The following PATZ1 variants were observed in gnomAD, a reference collection of about 807,000 sequenced individuals.
PATZ1 encodes the protein POZ-, AT hook-, and zinc finger-containing protein 1.
Under a neutral mutation model 46.2 loss-of-function variants are expected in PATZ1, and 9 were observed. The observed-to-expected ratio is 0.19, with a 90% confidence interval of 0.12 to 0.34. PATZ1 has a LOEUF of 0.34. Ranked by LOEUF, PATZ1 falls within the 10% of genes least tolerant of loss-of-function variation. The pLI, the probability that PATZ1 is intolerant of heterozygous loss-of-function variation, is 1.00. For missense variants in PATZ1, 632 were observed against 923.0 expected, an observed-to-expected ratio of 0.68 and a Z score of 4.08; for synonymous variants, 426 against 378.6, an observed-to-expected ratio of 1.13 and a Z score of -1.45.
In PATZ1 at chr22:31,326,564, G is replaced by T. The variant is rs931649763; in HGVS notation, c.*327C>A. The T allele has an allele frequency of 1.2e-5, 4 of 328,118 alleles. No individual in the cohort carries two copies. The Admixed American group carries it at 1.8e-4, about 15-fold the overall frequency. The allele number at this position is 328,118 out of a possible 1,614,324, so 20.3% of individuals were successfully genotyped here. A position where few individuals can be genotyped will look rare whatever the true frequency, so the allele number is the denominator to read the frequency against. On this transcript the variant is annotated 3_prime_UTR_variant, in exon 5 of 5. Transcript: ENST00000266269. ...ATCATAGATTTGGGTATAGGATTGG[G>T]GTCACTAAGAATTGAGCACCAGGAA...
At chr22:31,342,821 G>A in intron 2 of PATZ1, 76 bp downstream of exon 2, 1 of 1,534,012 alleles carries the variant, frequency 6.5e-7, no homozygotes, top group East Asian at 2.3e-5. Context: ...GGCACACGCA[G>A]CGGCTGGCTC....
intron 1 of PATZ1, 90 bp from the exon 2 acceptor site, chr22:31,343,050 A>T: frequency 2.5e-6 from 4 of 1,577,548 alleles, no homozygotes; most frequent in South Asian, 1.1e-5. Context: ...ACACACACAC[A>T]CACTCACTGC....
intron 2 of PATZ1, among the ~76,000 whole-genome samples, chr22:31,339,634 C>T (rs2049554941): frequency 6.6e-6 from 1 of 152,196 alleles, no homozygotes; most frequent in Non-Finnish European, 1.5e-5. Context: ...CTTTGACTGC[C>T]TGTGGCACTC....
At chr22:31,339,851 AG>A (rs1846890558) in intron 2 of PATZ1, among the ~76,000 whole-genome samples, 1 of 152,116 alleles carries the variant, frequency 6.6e-6, no homozygotes, top group Non-Finnish European at 1.5e-5. Context: ...AGTGGTACCA[AG>A]GGCACTAGTG....
chr22:31,333,041 G>C (rs1233265805), intron 3 of PATZ1, among the ~76,000 whole-genome samples: 1 of 152,144 alleles, frequency 6.6e-6, no homozygotes, highest in Non-Finnish European at 1.5e-5. Context: ...TGTACAAATA[G>C]TATCATACAC....
chr22:31,341,413 C>G, intron 2 of PATZ1: 1 of 1,546,290 alleles, frequency 6.5e-7, no homozygotes, highest in Non-Finnish European at 8.7e-7. Flanking sequence ...GGCTAGCCAA[C>G]AGGCCACTGG....
intron 2 of PATZ1, among the ~76,000 whole-genome samples, chr22:31,339,668 C>T (rs1319464161): frequency 6.6e-6 from 1 of 152,262 alleles, no homozygotes; most frequent in East Asian, 1.9e-4. Context: ...GGCCCACAGC[C>T]CTGTGCTTAG....
chr22:31,335,856 T>C lies in PATZ1; in HGVS notation c.1343A>G (p.Asn448Ser), dbSNP rs759027914. The C allele has an allele frequency of 1.9e-6, 3 of 1,613,240 alleles. No individual in the cohort carries two copies. Among genetic ancestry groups the C allele is most frequent in the Non-Finnish European group, 2.5e-6 (3 of 1,179,606 alleles). ...SERPHKCQTC[N>S]ASFATRDRLR... ...ACGGTCTCGGGTGGCAAAAGAAGCA[T>C]TGCAGGTCTGAAGGCAGAAAAGAAA... The change falls in exon 3 of 5, where the codon AAT becomes AGT. Residue 448 changes from asparagine (N) to serine (S), a missense_variant. Transcript: ENST00000266269.
rs2049392515 is a variant in PATZ1 at position 31,328,309 on chromosome 22, A to C, written c.1645+478T>G. ...TCACAACCATAGCCAGAGGCTCTCC[A>C]GAAAGGGCCACTCACAGTAACCAAC... On this transcript the variant is annotated intron_variant, in intron 4 of 4. Coordinates refer to ENST00000266269, the MANE Select transcript of PATZ1 (RefSeq NM_014323.3). The surrounding 1 kb of genome is among the most constrained non-coding windows in gnomAD (Gnocchi z 4.8). Among the ~76,000 whole-genome samples, 1 of 152,226 alleles carries C rather than the reference A, an allele frequency of 6.6e-6. No homozygotes were observed. Among genetic ancestry groups the C allele is most frequent in the South Asian group, 2.1e-4 (1 of 4,828 alleles).
Position 31,328,113 on chromosome 22 carries a change from CATCTCTGCTGT to C in PATZ1, c.1645+663_1645+673del, listed in dbSNP as rs2049390630. On this transcript the variant is annotated intron_variant, in intron 4 of 4. Transcript: ENST00000266269. This position sits in a 1 kb window ranked among gnomAD's most constrained non-coding sequence, Gnocchi z 4.8. ...TCTGTGATGGGAGCATGGAGCATGC[CATCTCTGCTGT>C]TTCTACCATCTGCCAAGCCCCTGGC... 6.6e-6 allele frequency among the ~76,000 whole-genome samples: 1 copy of C among 152,204 alleles called. No homozygotes were observed. The highest frequency in any genetic ancestry group is 1.5e-5 in the Non-Finnish European group (1 of 68,050).
Position 31,331,582 on chromosome 22 carries a change from T to C in PATZ1, c.1508-2658A>G, listed in dbSNP as rs2049444202. ...GGTCTCGGATCTCCTGACTTCGCGATCCACCCGCCTCGGCCTCCCAAAGTG... is the reference window on the plus strand; with the variant it reads ...GGTCTCGGATCTCCTGACTTCGCGACCCACCCGCCTCGGCCTCCCAAAGTG... On this transcript the variant is annotated intron_variant, in intron 3 of 4. Transcript: ENST00000266269. Among the ~76,000 whole-genome samples, 2 of 152,192 alleles carry C rather than the reference T, an allele frequency of 1.3e-5. 1 individual carries two copies. Among genetic ancestry groups the C allele is most frequent in the Middle Eastern group, 6.8e-3 (2 of 294 alleles).
At chr22:31,337,027 A>G (rs1222251174) in intron 2 of PATZ1, among the ~76,000 whole-genome samples, 4 of 149,828 alleles carry the variant, frequency 2.7e-5, no homozygotes, top group Non-Finnish European at 5.9e-5. Flanking sequence ...GGAGAATGGC[A>G]TAAACCCGGG....
intron 3 of PATZ1, among the ~76,000 whole-genome samples, chr22:31,329,768 C>T (rs61742317): frequency 1.3e-5 from 2 of 152,218 alleles, no homozygotes; most frequent in Admixed American, 6.5e-5. Flanking sequence ...GGGAAGAACA[C>T]ATCTTGGGCC....
intron 1 of PATZ1, among the ~76,000 whole-genome samples, chr22:31,343,875 CA>C (rs1234887219): frequency 2.0e-5 from 3 of 152,146 alleles, no homozygotes; most frequent in Non-Finnish European, 2.9e-5. Flanking sequence ...TCAGGATGGC[CA>C]GTGTTCTGTG....
Position 31,327,142 on chromosome 22 carries a change from A to T in PATZ1, c.1813T>A (p.Tyr605Asn). Residue 605 changes from tyrosine to asparagine, a missense_variant, in exon 5 of 5, where the codon TAC (tyrosine) becomes AAC (asparagine). This residue lies in a region of PATZ1 where 176 missense variants were observed against 249.4 expected (regional missense o/e 0.71). Transcript: ENST00000266269. This position sits in a 1 kb window ranked among gnomAD's most constrained non-coding sequence, Gnocchi z 4.2. ...AAGCTCCCACATTCAGGGCATGGGT[A>T]CTTCTTCTCCCCATCAGACTCCATT... ...NKMESDGEKK[Y>N]PCPECGSFFR... The T allele has an allele frequency of 6.2e-7, 1 of 1,614,026 alleles. No individual in the cohort carries two copies. Among genetic ancestry groups the T allele is most frequent in the South Asian group, 1.1e-5 (1 of 91,082 alleles).
At chr22:31,341,725 C>T (rs1441099708) in intron 2 of PATZ1, 14 of 1,556,994 alleles carry the variant, frequency 9.0e-6, no homozygotes, top group Non-Finnish European at 1.2e-5. Flanking sequence ...CCCCAGGCCA[C>T]CGGGCTTGCC....
intron 3 of PATZ1, among the ~76,000 whole-genome samples, chr22:31,334,751 C>T (rs2049487079): frequency 6.6e-6 from 1 of 152,100 alleles, no homozygotes; most frequent in African/African-American, 2.4e-5. Context: ...AACTCGAGGC[C>T]ACCTAGTGAG....
At chr22:31,336,258 T>C (rs1365076535) in intron 2 of PATZ1, among the ~76,000 whole-genome samples, 2 of 152,226 alleles carry the variant, frequency 1.3e-5, no homozygotes, top group Non-Finnish European at 2.9e-5. Flanking sequence ...GATGAGTTAT[T>C]GGCATATAAA....
At position 31,330,253 on chromosome 22, in the gene PATZ1, C is replaced by T. The variant is rs1569023825; in HGVS notation, c.1508-1329G>A. Among the ~76,000 whole-genome samples, 3 of 152,086 alleles carry T rather than the reference C, an allele frequency of 2.0e-5. No individual in the cohort carries two copies. The South Asian group carries it at 6.2e-4, about 32-fold the overall frequency. On this transcript the variant is annotated intron_variant, in intron 3 of 4. Coordinates refer to ENST00000266269, the MANE Select transcript of PATZ1 (RefSeq NM_014323.3). ...GCACTATTCTATAGAATTTGCCCAACACCCTTTGTGCTACAGATTACTATT... is the reference window on the plus strand; with the variant it reads ...GCACTATTCTATAGAATTTGCCCAATACCCTTTGTGCTACAGATTACTATT...
Sources: allele counts gnomAD v4.1 joint callset (sites outside exome capture counted in the v4.1 genomes callset), GRCh38; gene constraint gnomAD v4.1.1; regional missense constraint gnomAD v4.1.1; non-coding constraint Gnocchi (gnomAD v3.1); transcripts MANE v1.5; gene names NCBI Gene and HGNC (gene_info 2026-07-23, HGNC 2026-07-21).